ADRA2A: variants seen among roughly 807,000 people sequenced by gnomAD.
ADRA2A encodes alpha-2A adrenergic receptor.
ADRA2A carries 6 observed loss-of-function variants against 5.9 expected under a neutral mutation model. That is an observed-to-expected ratio of 1.01 (90% confidence interval 0.55 to 2.00). ADRA2A has a LOEUF of 2.00. Ranked by LOEUF, ADRA2A falls within the 30% of genes most tolerant of loss-of-function variation. ADRA2A has a pLI of 0.00. For synonymous variants in ADRA2A, 345 were observed against 325.9 expected (o/e 1.06, Z -0.63); for missense variants, 647 against 690.0 (o/e 0.94, Z 0.70).
In ADRA2A at chr10:111,078,354, T is replaced by A; in HGVS notation, c.358T>A (p.Trp120Arg). 6.2e-7 allele frequency: 1 copy of A among 1,613,614 alleles called. No homozygotes were observed. Among genetic ancestry groups the A allele is most frequent in the Non-Finnish European group, 8.5e-7 (1 of 1,179,876 alleles). The change falls in exon 1 of 1, where the codon TGG (tryptophan) becomes AGG (arginine). Residue 120 changes from tryptophan to arginine, a missense_variant. By Grantham distance (101) the Trp-to-Arg change is moderately radical. Transcript: ENST00000280155. ...GGGCTACTGGTACTTCGGCAAGGCT[T>A]GGTGCGAGATCTACCTGGCGCTCGA... ...VMGYWYFGKA[W>R]CEIYLALDVL...
rs1403588144 is a variant in ADRA2A at position 111,079,089 on chromosome 10, G to C, written c.1093G>C (p.Gly365Arg). Reference sequence around the variant, plus strand: ...GATCGGGACGCCGGCTGCAGGGCCGGGGGAGGAGCGCGTCGGGGCTGCCAA... The same window carrying C: ...GATCGGGACGCCGGCTGCAGGGCCGCGGGAGGAGCGCGTCGGGGCTGCCAA... ...TGIGTPAAGPGEERVGAAKAS... is the reference protein window; with the variant it reads ...TGIGTPAAGPREERVGAAKAS... Residue 365 changes from glycine (G) to arginine (R), a missense_variant, in exon 1 of 1, where the codon GGG becomes CGG. Around this residue, in one of 3 missense-constraint regions of ADRA2A, gnomAD observed 577 missense variants for 605.4 expected, o/e 0.95. Transcript: ENST00000280155. 6.6e-7 allele frequency: 1 copy of C among 1,515,352 alleles called. No homozygotes were observed. Among genetic ancestry groups the C allele is most frequent in the African/African-American group, 1.4e-5 (1 of 71,648 alleles). 93.9% of individuals were successfully genotyped at this position (1,515,352 alleles called of 1,614,324 possible).
chr10:111,078,380 C>T lies in ADRA2A; in HGVS notation c.384C>T (p.Asp128=), dbSNP rs1294295533. 6.2e-7 allele frequency: 1 copy of T among 1,613,854 alleles called. No homozygotes were observed. The highest frequency in any genetic ancestry group is 1.3e-5 in the African/African-American group (1 of 74,944). Reference sequence around the variant, plus strand: ...GGTGCGAGATCTACCTGGCGCTCGACGTGCTCTTCTGCACGTCGTCCATCG... The same window carrying T: ...GGTGCGAGATCTACCTGGCGCTCGATGTGCTCTTCTGCACGTCGTCCATCG... The part of the protein sequence containing the change: ...KAWCEIYLAL[D]VLFCTSSIVH... The change falls in exon 1 of 1, where the codon GAC becomes GAT. Residue 128 remains aspartate (D), a synonymous_variant. Coordinates refer to ENST00000280155, the MANE Select transcript of ADRA2A (RefSeq NM_000681.4).
At position 111,078,293 on chromosome 10, in the gene ADRA2A, G is replaced by T. The variant is rs1843556130; in HGVS notation, c.297G>T (p.Thr99=). The T allele has an allele frequency of 6.2e-7, 1 of 1,613,780 alleles. No homozygotes were observed. The highest frequency in any genetic ancestry group is 1.3e-5 in the African/African-American group (1 of 74,888). The change falls in exon 1 of 1, where the codon ACG becomes ACT. Residue 99 remains threonine (T), a synonymous_variant. Coordinates refer to ENST00000280155, the MANE Select transcript of ADRA2A (RefSeq NM_000681.4). ...CCTCGGCCGACATCCTGGTGGCCACGCTCGTCATCCCTTTCTCGCTGGCCA... is the reference window on the plus strand; with the variant it reads ...CCTCGGCCGACATCCTGGTGGCCACTCTCGTCATCCCTTTCTCGCTGGCCA... The part of the protein sequence containing the change: ...SLASADILVA[T]LVIPFSLANE...
chr10:111,079,332 C>A lies in ADRA2A; in HGVS notation c.1336C>A (p.His446Asn). ...CCCGGTCATCTACACCATCTTCAAC[C>A]ACGATTTCCGCCGCGCCTTCAAGAA... is the stretch of plus-strand genomic sequence containing the variant. ...LNPVIYTIFN[H>N]DFRRAFKKIL... Residue 446 changes from histidine (H) to asparagine (N), a missense_variant, in exon 1 of 1, where the codon CAC becomes AAC. Coordinates refer to ENST00000280155, the MANE Select transcript of ADRA2A (RefSeq NM_000681.4). 1 of 1,614,130 alleles carries A rather than the reference C, an allele frequency of 6.2e-7. No homozygotes were observed. The highest frequency in any genetic ancestry group is 1.1e-5 in the South Asian group (1 of 91,092).
Position 111,078,995 on chromosome 10 carries a change from A to G in ADRA2A, c.999A>G (p.Lys333=). ...GACCCGAGCGCGGTCCCCGGGGCAAAGGCAAGGCCCGAGCGAGCCAGGTGA... is the reference window on the plus strand; with the variant it reads ...GACCCGAGCGCGGTCCCCGGGGCAAGGGCAAGGCCCGAGCGAGCCAGGTGA... ...PRRPERGPRG[K]GKARASQVKP... The change falls in exon 1 of 1, where the codon AAA becomes AAG. Residue 333 remains lysine, a synonymous_variant. Coordinates refer to ENST00000280155, the MANE Select transcript of ADRA2A (RefSeq NM_000681.4). 1 of 1,236,672 alleles carries G rather than the reference A, an allele frequency of 8.1e-7. No homozygotes were observed. Among genetic ancestry groups the G allele is most frequent in the Non-Finnish European group, 1.0e-6 (1 of 992,864 alleles). The allele number at this position is 1,236,672 out of a possible 1,614,324, so 76.6% of individuals were successfully genotyped here. A position where few individuals can be genotyped will look rare whatever the true frequency, so the allele number is the denominator to read the frequency against.
In ADRA2A at chr10:111,078,240, C is replaced by T. The variant is rs544890991; in HGVS notation, c.244C>T (p.Pro82Ser). 3 of 1,613,396 alleles carry T rather than the reference C, an allele frequency of 1.9e-6. No individual in the cohort carries two copies. Among genetic ancestry groups the T allele is most frequent in the African/African-American group, 2.7e-5 (2 of 74,958 alleles). ...GTTCACGAGCCGCGCGCTCAAGGCG[C>T]CCCAAAACCTCTTCCTGGTGTCTCT... ...AVFTSRALKAPQNLFLVSLAS... is the reference protein window; with the variant it reads ...AVFTSRALKASQNLFLVSLAS... Residue 82 changes from proline to serine, a missense_variant, in exon 1 of 1, where the codon CCC (proline) becomes TCC (serine). Physicochemically the swap from Pro to Ser is moderately conservative, Grantham distance 74. Coordinates refer to ENST00000280155, the MANE Select transcript of ADRA2A (RefSeq NM_000681.4).
rs928033054 is a variant in ADRA2A at position 111,078,183 on chromosome 10, G to A, written c.187G>A (p.Val63Met). 2 of 1,612,232 alleles carry A rather than the reference G, an allele frequency of 1.2e-6. No individual in the cohort carries two copies. Among genetic ancestry groups the A allele is most frequent in the Non-Finnish European group, 8.5e-7 (1 of 1,179,696 alleles). Reference protein sequence around the residue: ...CLAGLLMLLTVFGNVLVIIAV... With the variant: ...CLAGLLMLLTMFGNVLVIIAV... ...GGCCGGCCTGCTCATGCTGCTCACC[G>A]TGTTCGGCAACGTGCTCGTCATCAT... Residue 63 changes from valine to methionine, a missense_variant, in exon 1 of 1, where the codon GTG becomes ATG. Val to Met is a conservative substitution (Grantham distance 21). Coordinates refer to ENST00000280155, the MANE Select transcript of ADRA2A (RefSeq NM_000681.4).
At position 111,079,364 on chromosome 10, in the gene ADRA2A, C is replaced by G. The variant is rs764602189; in HGVS notation, c.1368C>G (p.Leu456=). 1.2e-6 allele frequency: 2 copies of G among 1,614,098 alleles called. No homozygotes were observed. The highest frequency in any genetic ancestry group is 2.2e-5 in the East Asian group (1 of 44,892). The change falls in exon 1 of 1, where the codon CTC becomes CTG. Residue 456 remains leucine, a synonymous_variant. Coordinates refer to ENST00000280155, the MANE Select transcript of ADRA2A (RefSeq NM_000681.4). Reference sequence around the variant, plus strand: ...TCCGCCGCGCCTTCAAGAAGATCCTCTGTCGGGGGGACAGGAAGCGGATCG... The same window carrying G: ...TCCGCCGCGCCTTCAAGAAGATCCTGTGTCGGGGGGACAGGAAGCGGATCG... ...HDFRRAFKKI[L]CRGDRKRIV
In ADRA2A at chr10:111,077,884, T is replaced by C. The variant is rs1843548924; in HGVS notation, c.-113T>C. On this transcript the variant is annotated 5_prime_UTR_variant, in exon 1 of 1. Coordinates refer to ENST00000280155, the MANE Select transcript of ADRA2A (RefSeq NM_000681.4). The stretch of plus-strand genomic sequence containing the variant: ...CGGGCCCGGCCTCCCTGCGGCCCCC[T>C]CCCTATGTGAGCCGCAGCCAGGCGA... 58 of 1,301,498 alleles carry C rather than the reference T, an allele frequency of 4.5e-5. No individual in the cohort carries two copies. The highest frequency in any genetic ancestry group is 5.5e-5 in the Non-Finnish European group (57 of 1,032,072). The allele number at this position is 1,301,498 out of a possible 1,614,324, so 80.6% of individuals were successfully genotyped here. A position where few individuals can be genotyped will look rare whatever the true frequency, so the allele number is the denominator to read the frequency against.
Position 111,078,963 on chromosome 10 carries a change from C to T in ADRA2A, c.967C>T (p.Pro323Ser). ...CGACCACGCCGAGCGGCCTCCAGGG[C>T]CCCGCAGACCCGAGCGCGGTCCCCG... ...SSDHAERPPG[P>S]RRPERGPRGK... The change falls in exon 1 of 1, where the codon CCC (proline) becomes TCC (serine). Residue 323 changes from proline (P) to serine (S), a missense_variant. By Grantham distance (74) the Pro-to-Ser change is moderately conservative (BLOSUM62 -1). This residue lies in a region of ADRA2A where 577 missense variants were observed against 605.4 expected (regional missense o/e 0.95). Coordinates refer to ENST00000280155, the MANE Select transcript of ADRA2A (RefSeq NM_000681.4). 5.7e-6 allele frequency: 7 copies of T among 1,237,346 alleles called. No individual in the cohort carries two copies. The highest frequency in any genetic ancestry group is 7.1e-6 in the Non-Finnish European group (7 of 991,788). 76.6% of individuals were successfully genotyped at this position (1,237,346 alleles called of 1,614,324 possible).
Position 111,078,678 on chromosome 10 carries a change from A to G in ADRA2A, c.682A>G (p.Ile228Val), listed in dbSNP as rs200814490. The change falls in exon 1 of 1, where the codon ATC (isoleucine) becomes GTC (valine). Residue 228 changes from isoleucine (I) to valine (V), a missense_variant. Around this residue, in one of 3 missense-constraint regions of ADRA2A, gnomAD observed 577 missense variants for 605.4 expected, o/e 0.95. Transcript: ENST00000280155. ...CTTCTTCGCTCCCTGCCTCATCATG[A>G]TCCTGGTCTACGTGCGCATCTACCA... ...GSFFAPCLIM[I>V]LVYVRIYQIA... is the part of the protein sequence containing the mutation. The G allele has an allele frequency of 9.2e-5, 145 of 1,579,952 alleles. No homozygotes were observed. The highest frequency in any genetic ancestry group is 1.2e-4 in the Non-Finnish European group (139 of 1,161,960).
rs1843562842 is a variant in ADRA2A, at chr10:111,078,637, C to T, written c.641C>T (p.Ser214Leu). The T allele has an allele frequency of 1.9e-6, 3 of 1,588,482 alleles. No individual in the cohort carries two copies. The highest frequency in any genetic ancestry group is 1.3e-5 in the African/African-American group (1 of 74,290). The change falls in exon 1 of 1, where the codon TCG becomes TTG. Residue 214 changes from serine (S) to leucine (L), a missense_variant. Physicochemically the swap from Ser to Leu is moderately radical, Grantham distance 145. Coordinates refer to ENST00000280155, the MANE Select transcript of ADRA2A (RefSeq NM_000681.4). Reference protein sequence around the residue: ...EINDQKWYVISSCIGSFFAPC... With the variant: ...EINDQKWYVILSCIGSFFAPC... ...AACGACCAGAAGTGGTACGTCATCT[C>T]GTCGTGCATCGGCTCCTTCTTCGCT...
In ADRA2A at chr10:111,078,917, C is replaced by G; in HGVS notation, c.921C>G (p.Asp307Glu). ...GGCCGCGCGACACCGACGCGCTGGA[C>G]CTGGAGGAGAGCTCGTCTTCCGACC... The part of the protein sequence containing the change: ...PAGPRDTDAL[D>E]LEESSSSDHA... Residue 307 changes from aspartate (D) to glutamate (E), a missense_variant, in exon 1 of 1, where the codon GAC (aspartate) becomes GAG (glutamate). Asp to Glu is a conservative substitution (Grantham distance 45, BLOSUM62 2). Transcript: ENST00000280155. The G allele has an allele frequency of 2.4e-6, 3 of 1,231,880 alleles. No homozygotes were observed. The highest frequency in any genetic ancestry group is 3.0e-6 in the Non-Finnish European group (3 of 987,560). The allele number at this position is 1,231,880 out of a possible 1,614,324, so 76.3% of individuals were successfully genotyped here. A position where few individuals can be genotyped will look rare whatever the true frequency, so the allele number is the denominator to read the frequency against.
Position 111,078,212 on chromosome 10 carries a change from C to T in ADRA2A, c.216C>T (p.Ala72=), listed in dbSNP as rs1485132171. The change falls in exon 1 of 1, where the codon GCC becomes GCT. Residue 72 remains alanine (A), a synonymous_variant. Transcript: ENST00000280155. ...TVFGNVLVII[A]VFTSRALKAP... ...TCGGCAACGTGCTCGTCATCATCGC[C>T]GTGTTCACGAGCCGCGCGCTCAAGG... is the stretch of plus-strand genomic sequence containing the variant. The T allele has an allele frequency of 6.8e-6, 11 of 1,613,280 alleles. No homozygotes were observed. In the African/African-American group the frequency reaches 1.5e-4, roughly 22 times the overall value.
rs1357420714 is a variant in ADRA2A, at chr10:111,078,869, C to T, written c.873C>T (p.Ala291=). ...CGCTGCCCACCCAGCTCAACGGCGC[C>T]CCTGGCGAGCCCGCGCCGGCCGGGC... is the stretch of plus-strand genomic sequence containing the variant. ...AEPLPTQLNG[A]PGEPAPAGPR... The change falls in exon 1 of 1, where the codon GCC becomes GCT. Residue 291 remains alanine (A), a synonymous_variant. Transcript: ENST00000280155. 1.4e-4 allele frequency: 173 copies of T among 1,201,596 alleles called. No individual in the cohort carries two copies. The East Asian group carries it at 5.4e-3, about 38-fold the overall frequency. The allele number at this position is 1,201,596 out of a possible 1,614,324, so 74.4% of individuals were successfully genotyped here.
At position 111,078,377 on chromosome 10, in the gene ADRA2A, C is replaced by G. The variant is rs142434876; in HGVS notation, c.381C>G (p.Leu127=). ...CTTGGTGCGAGATCTACCTGGCGCT[C>G]GACGTGCTCTTCTGCACGTCGTCCA... ...GKAWCEIYLA[L]DVLFCTSSIV... The change falls in exon 1 of 1, where the codon CTC becomes CTG. Residue 127 remains leucine (L), a synonymous_variant. Transcript: ENST00000280155. 605 of 1,611,592 alleles carry G rather than the reference C, an allele frequency of 3.8e-4. 3 individuals are homozygous for G. In the African/African-American group the frequency reaches 7.4e-3, roughly 20 times the overall value.
chr10:111,078,214 T>G lies in ADRA2A; in HGVS notation c.218T>G (p.Val73Gly), dbSNP rs769760628. ...GGCAACGTGCTCGTCATCATCGCCG[T>G]GTTCACGAGCCGCGCGCTCAAGGCG... ...VFGNVLVIIA[V>G]FTSRALKAPQ... Residue 73 changes from valine to glycine, a missense_variant, in exon 1 of 1, where the codon GTG becomes GGG. By Grantham distance (109) the Val-to-Gly change is moderately radical. Transcript: ENST00000280155. 1.2e-6 allele frequency: 2 copies of G among 1,613,474 alleles called. No homozygotes were observed. Among genetic ancestry groups the G allele is most frequent in the Non-Finnish European group, 1.7e-6 (2 of 1,179,948 alleles).
In ADRA2A at chr10:111,078,511, T is replaced by C. The variant is rs1843559650; in HGVS notation, c.515T>C (p.Val172Ala). 6.2e-7 allele frequency: 1 copy of C among 1,611,170 alleles called. No homozygotes were observed. Among genetic ancestry groups the C allele is most frequent in the Admixed American group, 1.7e-5 (1 of 59,928 alleles). ...PRRIKAIIIT[V>A]WVISAVISFP... The stretch of plus-strand genomic sequence containing the variant: ...CGCATCAAGGCCATCATCATCACCG[T>C]GTGGGTCATCTCGGCCGTCATCTCC... The change falls in exon 1 of 1, where the codon GTG (valine) becomes GCG (alanine). Residue 172 changes from valine to alanine, a missense_variant. By Grantham distance (64) the Val-to-Ala change is moderately conservative. Coordinates refer to ENST00000280155, the MANE Select transcript of ADRA2A (RefSeq NM_000681.4).
chr10:111,080,200 G>A lies in ADRA2A; in HGVS notation c.*806G>A, dbSNP rs1172176759. On this transcript the variant is annotated 3_prime_UTR_variant, in exon 1 of 1. Transcript: ENST00000280155. ...ATTATGATGGTGGATCAAGACATAA[G>A]TAAATGAGCCTTTCTGCCTCACATC... 6.0e-6 allele frequency: 1 copy of A among 167,054 alleles called. No individual in the cohort carries two copies. The highest frequency in any genetic ancestry group is 1.5e-5 in the Non-Finnish European group (1 of 68,124). 10.3% of individuals were successfully genotyped at this position (167,054 alleles called of 1,614,324 possible).
Sources: gnomAD v4.1 joint callset for allele counts on GRCh38, gnomAD v4.1.1 for gene constraint, gnomAD v4.1.1 regional missense constraint, MANE v1.5 for transcripts, NCBI Gene and HGNC (gene_info 2026-07-23, HGNC 2026-07-21) for gene names.